The following PCBP2 variants were observed in gnomAD, a reference collection of about 807,000 sequenced individuals.
The protein encoded by PCBP2 is poly(rC) binding protein 2, also known as poly(rC)-binding protein 2.
Under a neutral mutation model 50.1 loss-of-function variants are expected in PCBP2, and 4 were observed. The observed-to-expected ratio is 0.08, with a 90% confidence interval of 0.04 to 0.18. PCBP2 has a LOEUF of 0.18. Among genes scored for constraint, PCBP2 ranks in the 10% least tolerant of loss-of-function variants. The probability of loss-of-function intolerance (pLI) is 1.00; values close to 1 mark genes in which losing one functional copy is unlikely to be tolerated. For missense variants in PCBP2, 161 were observed against 474.3 expected, an observed-to-expected ratio of 0.34 and a Z score of 6.14; for synonymous variants, 179 against 168.0, an observed-to-expected ratio of 1.07 and a Z score of -0.51.
Position 53,462,514 on chromosome 12 carries a change from A to T in PCBP2, c.526A>T (p.Ile176Phe). 6.2e-7 allele frequency: 1 copy of T among 1,613,344 alleles called. No individual in the cohort carries two copies. The highest frequency in any genetic ancestry group is 8.5e-7 in the Non-Finnish European group (1 of 1,179,462). ...MLESPPKGVT[I>F]PYRPKPSSSP... is the part of the protein sequence containing the mutation. ...CCAGTCCCCCCCGAAGGGCGTGACCATCCCGTACCGGCCCAAGCCGTCCAG... is the reference window on the plus strand; with the variant it reads ...CCAGTCCCCCCCGAAGGGCGTGACCTTCCCGTACCGGCCCAAGCCGTCCAG... The change falls in exon 8 of 15, where the codon ATC becomes TTC. Residue 176 changes from isoleucine to phenylalanine, a missense_variant. By Grantham distance (21) the Ile-to-Phe change is conservative. Coordinates refer to ENST00000546463, the MANE Select transcript of PCBP2 (RefSeq NM_031989.5).
Position 53,452,214 on chromosome 12 carries a change from C to G in PCBP2, c.-238C>G, listed in dbSNP as rs1940575701. The G allele has an allele frequency of 7.6e-6, 1 of 132,018 alleles. No individual in the cohort carries two copies. The highest frequency in any genetic ancestry group is 2.9e-5 in the African/African-American group (1 of 34,830). The allele number at this position is 132,018 out of a possible 1,614,324, so 8.2% of individuals were successfully genotyped here. A position where few individuals can be genotyped will look rare whatever the true frequency, so the allele number is the denominator to read the frequency against. On this transcript the variant is annotated 5_prime_UTR_variant, in exon 1 of 15. Coordinates refer to ENST00000546463, the MANE Select transcript of PCBP2 (RefSeq NM_031989.5). ...CCGCCCTCCACCCGCCCCGGGGTCT[C>G]TTTCCCCCTTCCTCCTCCTCCTCCT...
chr12:53,462,260 C>T (rs1244476937), intron 7 of PCBP2, among the ~76,000 whole-genome samples: 2 of 152,230 alleles, frequency 1.3e-5, no homozygotes, highest in African/African-American at 2.4e-5. Flanking sequence ...ATTACATGGA[C>T]ATCTCCCTTG....
At position 53,479,500 on chromosome 12, in the gene PCBP2, C is replaced by T. The variant is rs749680288; in HGVS notation, c.*58C>T. 3.4e-6 allele frequency: 5 copies of T among 1,483,752 alleles called. No homozygotes were observed. Among genetic ancestry groups the T allele is most frequent in the Non-Finnish European group, 4.7e-6 (5 of 1,063,440 alleles). The allele number at this position is 1,483,752 out of a possible 1,614,324, so 91.9% of individuals were successfully genotyped here. A position where few individuals can be genotyped will look rare whatever the true frequency, so the allele number is the denominator to read the frequency against. On this transcript the variant is annotated 3_prime_UTR_variant, in exon 15 of 15. Transcript: ENST00000546463. ...CTGTTCACCACCACCCATGATCCATCTGTGTAGTTTCTGAACAGTCAGCGA... is the reference window on the plus strand; with the variant it reads ...CTGTTCACCACCACCCATGATCCATTTGTGTAGTTTCTGAACAGTCAGCGA...
chr12:53,458,046 G>A (rs144598417), intron 5 of PCBP2, among the ~76,000 whole-genome samples: 49 of 148,586 alleles, frequency 3.3e-4, no homozygotes, highest in African/African-American at 1.1e-3. Flanking sequence ...CTCCTGCCTC[G>A]GCCTCCCCAG....
chr12:53,475,565 T>C (rs539391436), intron 14 of PCBP2: 1 of 175,304 alleles, frequency 5.7e-6, no homozygotes. Context: ...TTTTTTTTTT[T>C]AAGAATTATT....
chr12:53,470,960 A>G (rs1036130005), intron 13 of PCBP2, among the ~76,000 whole-genome samples: 1 of 152,102 alleles, frequency 6.6e-6, no homozygotes, highest in Admixed American at 6.5e-5. Context: ...CTTTGGAAGT[A>G]ATATTCTGAG....
At chr12:53,465,042 CTT>C (rs747714871) in intron 9 of PCBP2, 190 bp downstream of exon 9, 713 of 387,868 alleles carry the variant, frequency 1.8e-3, no homozygotes, top group South Asian at 3.6e-3. Context: ...GTAACACCAA[CTT>C]TTTTTTTTTT....
intron 6 of PCBP2, 47 bp downstream of exon 6, chr12:53,459,450 A>G (rs746873407): frequency 6.4e-7 from 1 of 1,569,650 alleles, no homozygotes; most frequent in South Asian, 1.1e-5. Flanking sequence ...TATTTGTTCC[A>G]AATTGGCTCT....
At chr12:53,474,805 C>T (rs1942462912) in intron 14 of PCBP2, 2 of 358,908 alleles carry the variant, frequency 5.6e-6, no homozygotes, top group South Asian at 2.1e-5. Flanking sequence ...CCTGTACTTA[C>T]TCCCTTTTGT....
At chr12:53,462,615 G>T in intron 8 of PCBP2, 48 bp downstream of exon 8, 1 of 1,498,470 alleles carries the variant, frequency 6.7e-7, no homozygotes, top group South Asian at 1.1e-5. Context: ...GATTATATTT[G>T]AAATGTCAAC....
intron 14 of PCBP2, among the ~76,000 whole-genome samples, chr12:53,472,028 G>A (rs1304927635): frequency 1.4e-5 from 2 of 148,000 alleles, no homozygotes; most frequent in Admixed American, 6.9e-5. Context: ...CAGATTGCCC[G>A]CATTTAACTT....
chr12:53,456,047 A>G (rs1444549928), intron 5 of PCBP2, 46 bp downstream of exon 5: 2 of 1,160,550 alleles, frequency 1.7e-6, no homozygotes, highest in South Asian at 2.4e-5. Context: ...AAGTGCTTCC[A>G]GAGAGCTTGT....
intron 8 of PCBP2, among the ~76,000 whole-genome samples, chr12:53,463,984 TCA>T (rs543116463): frequency 2.9e-4 from 44 of 152,354 alleles, no homozygotes; most frequent in African/African-American, 1.0e-3. Flanking sequence ...GTCGGTTATG[TCA>T]CAGTGTTAAC....
intron 11 of PCBP2, 28 bp from the exon 12 acceptor site, chr12:53,467,776 CA>C: frequency 6.3e-7 from 1 of 1,597,464 alleles, no homozygotes; most frequent in Non-Finnish European, 8.6e-7. Context: ...ATGAGACCAC[CA>C]AACTCATTTT....
intron 8 of PCBP2, 78 bp from the exon 9 acceptor site, chr12:53,464,682 T>G: frequency 6.4e-7 from 1 of 1,553,620 alleles, no homozygotes; most frequent in Non-Finnish European, 8.6e-7. Flanking sequence ...TAAACAACTT[T>G]TTTTGTGTGA....
chr12:53,454,217 T>C (rs1940818207), intron 1 of PCBP2, among the ~76,000 whole-genome samples: 1 of 152,256 alleles, frequency 6.6e-6, no homozygotes. Context: ...CCATCAACGG[T>C]TGAAATTTGT....
At position 53,480,554 on chromosome 12, in the gene PCBP2, AC is replaced by A. The variant is rs1463786093; in HGVS notation, c.*1116del. 6.6e-6 allele frequency: 1 copy of A among 152,618 alleles called. No homozygotes were observed. Among genetic ancestry groups the A allele is most frequent in the Non-Finnish European group, 1.5e-5 (1 of 68,066 alleles). The allele number at this position is 152,618 out of a possible 1,614,324, so 9.5% of individuals were successfully genotyped here. A position where few individuals can be genotyped will look rare whatever the true frequency, so the allele number is the denominator to read the frequency against. ...CAGGGGTTACAGTAGGACAGTCCCC[AC>A]CCCAATCAGGCACCAGGATAAAAGC... On this transcript the variant is annotated 3_prime_UTR_variant, in exon 15 of 15. Transcript: ENST00000546463.
At chr12:53,468,678 C>A in intron 12 of PCBP2, 99 bp from the exon 13 acceptor site, 1 of 905,182 alleles carries the variant, frequency 1.1e-6, no homozygotes, top group Non-Finnish European at 1.8e-6. Flanking sequence ...GCTAATGATG[C>A]TGGGTTTCCA....
At chr12:53,452,527 C>T (rs1940617089) in intron 1 of PCBP2, among the ~76,000 whole-genome samples, 151 bp downstream of exon 1, 1 of 151,624 alleles carries the variant, frequency 6.6e-6, no homozygotes, top group Non-Finnish European at 1.5e-5. Flanking sequence ...GCCGGTCATT[C>T]ACGCGAGGCC....
Sources: allele counts gnomAD v4.1 joint callset (sites outside exome capture counted in the v4.1 genomes callset), GRCh38; gene constraint gnomAD v4.1.1; transcripts MANE v1.5; gene names NCBI Gene and HGNC (gene_info 2026-07-23, HGNC 2026-07-21).